Variants in IL2RA observed in about 807,000 individuals in gnomAD.
IL2RA encodes interleukin-2 receptor subunit alpha.
Under a neutral mutation model 37.8 loss-of-function variants are expected in IL2RA, and 24 were observed. The ratio of observed to expected loss-of-function variants is 0.63; its 90% CI spans 0.46 to 0.89. The LOEUF (loss-of-function observed/expected upper bound fraction) is 0.89, where lower values mean the gene tolerates loss of function less well. Among genes scored for constraint, IL2RA ranks in the 40% least tolerant of loss-of-function variants. IL2RA has a pLI of 0.00. For synonymous variants in IL2RA, 125 were observed against 114.6 expected (o/e 1.09, Z -0.58); for missense variants, 319 against 348.6 (o/e 0.92, Z 0.68).
At position 6,047,928 on chromosome 10, in the gene IL2RA, G is replaced by A. The variant is rs907028555; in HGVS notation, c.64+14160C>T. ...GAGGTGATGTGTTCTTCTCATCTCCGTTCTCTAGAGGCAGGAACTAAGGCA... is the reference window on the plus strand; with the variant it reads ...GAGGTGATGTGTTCTTCTCATCTCCATTCTCTAGAGGCAGGAACTAAGGCA... On this transcript the variant is annotated intron_variant, in intron 1 of 7. Coordinates refer to ENST00000379959, the MANE Select transcript of IL2RA (RefSeq NM_000417.3). The surrounding 1 kb of genome is among the most constrained non-coding windows in gnomAD (Gnocchi z 5.0). 5.3e-5 allele frequency among the ~76,000 whole-genome samples: 8 copies of A among 152,240 alleles called. No homozygotes were observed. The highest frequency in any genetic ancestry group is 1.9e-4 in the East Asian group (1 of 5,186).
At chr10:6,042,148 C>CAAAA (rs57093239) in intron 1 of IL2RA, among the ~76,000 whole-genome samples, 5,180 of 53,906 alleles carry the variant, frequency 0.096, 1,065 homozygotes, top group African/African-American at 0.19. Flanking sequence ...ATGTATTAAG[C>CAAAA]AAAAAAAAAA....
chr10:6,025,795 AG>A lies in IL2RA; in HGVS notation c.256+38del. ...TGGGCTCTGTCTCACTCTTTGCTGC[AG>A]TTCTTTTGTTCTTGGTAGTCACAGA... On this transcript the variant is annotated intron_variant, in intron 2 of 7. Transcript: ENST00000379959. This position sits in a 1 kb window ranked among gnomAD's most constrained non-coding sequence, Gnocchi z 4.4. The A allele has an allele frequency of 1.3e-6, 2 of 1,593,264 alleles. No homozygotes were observed. The highest frequency in any genetic ancestry group is 2.2e-5 in the South Asian group (2 of 90,628).
Position 6,018,171 on chromosome 10 carries a change from G to A in IL2RA, c.728-52C>T, listed in dbSNP as rs780380912. On this transcript the variant is annotated intron_variant, in intron 6 of 7. Coordinates refer to ENST00000379959, the MANE Select transcript of IL2RA (RefSeq NM_000417.3). This position sits in a 1 kb window ranked among gnomAD's most constrained non-coding sequence, Gnocchi z 5.1. ...AAAGGGCCCTGGGCTTGGCATGGGG[G>A]CAGCAGGAGCCAGGGCCACAGGGCA... 36 of 1,445,080 alleles carry A rather than the reference G, an allele frequency of 2.5e-5. No homozygotes were observed. In the Admixed American group the frequency reaches 6.1e-4, roughly 25 times the overall value. 89.5% of individuals were successfully genotyped at this position (1,445,080 alleles called of 1,614,324 possible).
At position 6,029,413 on chromosome 10, in the gene IL2RA, C is replaced by A. The variant is rs957002802; in HGVS notation, c.65-3388G>T. Reference sequence around the variant, plus strand: ...CTCCTGACCTCAGGTGATCCACCTGCCTCGGCCTCCCAAAGTGCTAGGATT... The same window carrying A: ...CTCCTGACCTCAGGTGATCCACCTGACTCGGCCTCCCAAAGTGCTAGGATT... On this transcript the variant is annotated intron_variant, in intron 1 of 7. Transcript: ENST00000379959. This position sits in a 1 kb window ranked among gnomAD's most constrained non-coding sequence, Gnocchi z 4.6. 1.3e-5 allele frequency among the ~76,000 whole-genome samples: 2 copies of A among 152,076 alleles called. No homozygotes were observed. The highest frequency in any genetic ancestry group is 4.8e-5 in the African/African-American group (2 of 41,398).
In IL2RA at chr10:6,015,486, C is replaced by T. The variant is rs1839260894; in HGVS notation, c.794+2567G>A. 6.6e-6 allele frequency among the ~76,000 whole-genome samples: 1 copy of T among 152,310 alleles called. No individual in the cohort carries two copies. Among genetic ancestry groups the T allele is most frequent in the African/African-American group, 2.4e-5 (1 of 41,574 alleles). On this transcript the variant is annotated intron_variant, in intron 7 of 7. Transcript: ENST00000379959. The surrounding 1 kb of genome is among the most constrained non-coding windows in gnomAD (Gnocchi z 4.9). The stretch of plus-strand genomic sequence containing the variant: ...ATCACCTGGGAACCTGATAGAAATA[C>T]AGATTCCTGGACCTAAGCAAGACGA...
At position 6,058,602 on chromosome 10, in the gene IL2RA, A is replaced by C. The variant is rs765094732; in HGVS notation, c.64+3486T>G. Among the ~76,000 whole-genome samples the C allele has an allele frequency of 2.6e-5, 4 of 152,246 alleles. No individual in the cohort carries two copies. Among genetic ancestry groups the C allele is most frequent in the African/African-American group, 9.6e-5 (4 of 41,466 alleles). Reference sequence around the variant, plus strand: ...GACAAAGGTGAAGATGGGAAATTCCATTGTGGGCAGTTGTCTTTACAAGAA... The same window carrying C: ...GACAAAGGTGAAGATGGGAAATTCCCTTGTGGGCAGTTGTCTTTACAAGAA... On this transcript the variant is annotated intron_variant, in intron 1 of 7. Coordinates refer to ENST00000379959, the MANE Select transcript of IL2RA (RefSeq NM_000417.3). This position sits in a 1 kb window ranked among gnomAD's most constrained non-coding sequence, Gnocchi z 4.2.
intron 1 of IL2RA, among the ~76,000 whole-genome samples, chr10:6,061,758 G>A (rs1219570879): frequency 6.6e-6 from 1 of 152,178 alleles, no homozygotes; most frequent in African/African-American, 2.4e-5. Context: ...ATTCATTGAA[G>A]AATAAAAGAT....
At chr10:6,051,514 TA>T (rs1339022977) in intron 1 of IL2RA, among the ~76,000 whole-genome samples, 9,765 of 48,450 alleles carry the variant, frequency 0.2, 439 homozygotes, top group Non-Finnish European at 0.32. Context: ...TATATATATA[TA>T]TATTTTTTTT....
intron 1 of IL2RA, among the ~76,000 whole-genome samples, 175 bp downstream of exon 1, chr10:6,061,913 C>G (rs1840126828): frequency 6.6e-6 from 1 of 152,148 alleles, no homozygotes; most frequent in Admixed American, 6.5e-5. Context: ...CTTGACAGAC[C>G]AAGGAACAGT....
intron 1 of IL2RA, among the ~76,000 whole-genome samples, chr10:6,042,147 G>GAAAAAA (rs1564549478): frequency 8.3e-4 from 1 of 1,210 alleles, no homozygotes; most frequent in Non-Finnish European, 2.2e-3. Context: ...AATGTATTAA[G>GAAAAAA]CAAAAAAAAA....
Position 6,011,474 on chromosome 10 carries a change from A to G in IL2RA, c.*1398T>C, listed in dbSNP as rs1355513026. On this transcript the variant is annotated 3_prime_UTR_variant, in exon 8 of 8. Coordinates refer to ENST00000379959, the MANE Select transcript of IL2RA (RefSeq NM_000417.3). The surrounding 1 kb of genome is among the most constrained non-coding windows in gnomAD (Gnocchi z 5.2). ...AAGATGGGCCCAGCGAACTCTTTTA[A>G]CAAGGCCTCCCGGTGATTCTAATAT... 1 of 152,226 alleles carries G rather than the reference A, an allele frequency of 6.6e-6. No homozygotes were observed. Among genetic ancestry groups the G allele is most frequent in the Non-Finnish European group, 1.5e-5 (1 of 68,046 alleles). 9.4% of individuals were successfully genotyped at this position (152,226 alleles called of 1,614,324 possible).
chr10:6,034,856 C>T (rs550576285), intron 1 of IL2RA, among the ~76,000 whole-genome samples: 94 of 152,290 alleles, frequency 6.2e-4, no homozygotes, highest in African/African-American at 2.2e-3. Flanking sequence ...GACCTGGGAG[C>T]TTGGGAGGCA....
At position 6,044,824 on chromosome 10, in the gene IL2RA, G is replaced by A. The variant is rs1281187823; in HGVS notation, c.64+17264C>T. Among the ~76,000 whole-genome samples the A allele has an allele frequency of 2.0e-5, 3 of 152,204 alleles. No homozygotes were observed. The highest frequency in any genetic ancestry group is 4.4e-5 in the Non-Finnish European group (3 of 68,028). ...CACTCTTTGCTGGATCAGCACCCAA[G>A]AGCAGAGCACAAGCCTTGGGCCATG... is the stretch of plus-strand genomic sequence containing the variant. On this transcript the variant is annotated intron_variant, in intron 1 of 7. Transcript: ENST00000379959. This position sits in a 1 kb window ranked among gnomAD's most constrained non-coding sequence, Gnocchi z 4.5.
Position 6,021,317 on chromosome 10 carries a change from ATTTT to A in IL2RA, c.583+157_583+160del, listed in dbSNP as rs3078966. Among the ~76,000 whole-genome samples the A allele has an allele frequency of 1.3e-5, 2 of 149,452 alleles. No homozygotes were observed. The highest frequency in any genetic ancestry group is 3.0e-5 in the Non-Finnish European group (2 of 67,554). ...AGTCCATCTGATCTGGTCTATTTAA[ATTTT>A]TTTTTTTTTCTCAGAATGAGAAAAA... On this transcript the variant is annotated intron_variant, in intron 4 of 7. Coordinates refer to ENST00000379959, the MANE Select transcript of IL2RA (RefSeq NM_000417.3). This position sits in a 1 kb window ranked among gnomAD's most constrained non-coding sequence, Gnocchi z 4.9.
At chr10:6,031,928 C>A (rs1839600914) in intron 1 of IL2RA, among the ~76,000 whole-genome samples, 1 of 152,134 alleles carries the variant, frequency 6.6e-6, no homozygotes, top group South Asian at 2.1e-4. Flanking sequence ...TTGGAGGATT[C>A]ATGACATCTG....
rs1839253107 is a variant in IL2RA, at chr10:6,015,018, G to A, written c.795-2122C>T. ...AGTGGATGCTGGCAGGGGTCAGGGA[G>A]GCCCTGGATAATCAAGAGAGAGACA... On this transcript the variant is annotated intron_variant, in intron 7 of 7. Coordinates refer to ENST00000379959, the MANE Select transcript of IL2RA (RefSeq NM_000417.3). This position sits in a 1 kb window ranked among gnomAD's most constrained non-coding sequence, Gnocchi z 4.9. 6.6e-6 allele frequency among the ~76,000 whole-genome samples: 1 copy of A among 152,130 alleles called. No individual in the cohort carries two copies.
In IL2RA at chr10:6,037,532, A is replaced by C. The variant is rs12722656; in HGVS notation, c.65-11507T>G. ...AAGATTAGAATAACGCACGGAGCAC[A>C]GGAAATGTCTAGGTGATGATTTCAC... On this transcript the variant is annotated intron_variant, in intron 1 of 7. Transcript: ENST00000379959. Among the ~76,000 whole-genome samples, 944 of 152,314 alleles carry C rather than the reference A, an allele frequency of 6.2e-3. 14 individuals carry two copies. Among genetic ancestry groups the C allele is most frequent in the African/African-American group, 0.022 (895 of 41,556 alleles).
chr10:6,041,872 A>T (rs1839777135), intron 1 of IL2RA, among the ~76,000 whole-genome samples: 1 of 152,182 alleles, frequency 6.6e-6, no homozygotes, highest in Non-Finnish European at 1.5e-5. Context: ...TGTGGAAGTT[A>T]TAATAATCTT....
chr10:6,041,357 C>T (rs1839769447), intron 1 of IL2RA, among the ~76,000 whole-genome samples: 1 of 152,118 alleles, frequency 6.6e-6, no homozygotes, highest in South Asian at 2.1e-4. Context: ...CCTCGTGATC[C>T]ACCCGCCTCG....
Sources: gnomAD v4.1 joint callset for allele counts (sites outside exome capture counted in the v4.1 genomes callset) on GRCh38, gnomAD v4.1.1 for gene constraint, Gnocchi (gnomAD v3.1) non-coding constraint, MANE v1.5 for transcripts, NCBI Gene and HGNC (gene_info 2026-07-23, HGNC 2026-07-21) for gene names.